The following IL17RA variants were observed in gnomAD, a reference collection of about 807,000 sequenced individuals.
IL17RA encodes interleukin-17 receptor A.
In IL17RA, 34 loss-of-function variants were observed where a neutral mutation model predicts 50.4. The ratio of observed to expected loss-of-function variants is 0.67; its 90% CI spans 0.51 to 0.90. The LOEUF is 0.90. IL17RA is among the 40% of genes least tolerant of loss of function. The probability of loss-of-function intolerance (pLI) is 0.00; values close to 1 mark genes in which losing one functional copy is unlikely to be tolerated. For synonymous variants in IL17RA, 585 were observed against 510.4 expected, an observed-to-expected ratio of 1.15 and a Z score of -1.97; for missense variants, 1,276 against 1,169.8, an observed-to-expected ratio of 1.09 and a Z score of -1.32.
In IL17RA at chr22:17,094,664, T is replaced by TCTCTCTCTCTCTCTCTCTCTCC. The variant is rs1601338810; in HGVS notation, c.139-2377_139-2376insCCTCTCTCTCTCTCTCTCTCTC. Among the ~76,000 whole-genome samples the TCTCTCTCTCTCTCTCTCTCTCC allele has an allele frequency of 4.7e-4, 18 of 37,934 alleles. 1 individual carries two copies. Among genetic ancestry groups the TCTCTCTCTCTCTCTCTCTCTCC allele is most frequent in the South Asian group, 1.7e-3 (2 of 1,194 alleles). 24.9% of individuals were successfully genotyped at this position (37,934 alleles called of 152,430 possible). A position where few individuals can be genotyped will look rare whatever the true frequency, so the allele number is the denominator to read the frequency against. On this transcript the variant is annotated intron_variant, in intron 1 of 12. Coordinates refer to ENST00000319363, the MANE Select transcript of IL17RA (RefSeq NM_014339.7). ...CATTTAGTCATACACACACTCTCTC[T>TCTCTCTCTCTCTCTCTCTCTCC]CTCTCTCTCTCTCTCTCTCTCTCTC...
In IL17RA at chr22:17,109,645, CGGAAATGGA is replaced by C. The variant is rs749121666; in HGVS notation, c.2431_2439del (p.Met811_Glu813del). ...TCCCCGCAGCCCCCCGAGGGACTCACGGAAATGGAGGAAGAGGAGGAAGAGGAGCAGGAC... is the reference window on the plus strand; with the variant it reads ...TCCCCGCAGCCCCCCGAGGGACTCACGGAAGAGGAGGAAGAGGAGCAGGAC... On this transcript the variant is annotated inframe_deletion, in exon 13 of 13. Coordinates refer to ENST00000319363, the MANE Select transcript of IL17RA (RefSeq NM_014339.7). 12 of 1,607,776 alleles carry C rather than the reference CGGAAATGGA, an allele frequency of 7.5e-6. No homozygotes were observed. In the Admixed American group the frequency reaches 1.5e-4, roughly 20 times the overall value.
chr22:17,103,893 C>T (rs1280754410), intron 8 of IL17RA, among the ~76,000 whole-genome samples: 1 of 101,738 alleles, frequency 9.8e-6, no homozygotes, highest in African/African-American at 4.1e-5. Flanking sequence ...GAGTGGGGAG[C>T]GTGCACAGGT....
At position 17,112,975 on chromosome 22, in the gene IL17RA, C is replaced by T. The variant is rs1601353474; in HGVS notation, c.*3155C>T. 6.9e-6 allele frequency: 1 copy of T among 144,162 alleles called. No individual in the cohort carries two copies. Among genetic ancestry groups the T allele is most frequent in the East Asian group, 2.1e-4 (1 of 4,850 alleles). 8.9% of individuals were successfully genotyped at this position (144,162 alleles called of 1,614,324 possible). On this transcript the variant is annotated 3_prime_UTR_variant, in exon 13 of 13. Coordinates refer to ENST00000319363, the MANE Select transcript of IL17RA (RefSeq NM_014339.7). The stretch of plus-strand genomic sequence containing the variant: ...GAGTTTCATGACTTTTTCCTGCCTA[C>T]TATCTTGATCCTAGTTTTTTTTTTG...
intron 5 of IL17RA, among the ~76,000 whole-genome samples, chr22:17,101,618 C>G (rs1175294681): frequency 6.6e-6 from 1 of 152,206 alleles, no homozygotes; most frequent in African/African-American, 2.4e-5. Flanking sequence ...CTAAAGTTGA[C>G]TGACTCAGTC....
chr22:17,103,194 C>T (rs368244996), intron 7 of IL17RA, among the ~76,000 whole-genome samples: 3 of 152,148 alleles, frequency 2.0e-5, no homozygotes, highest in Non-Finnish European at 2.9e-5. Flanking sequence ...GTGCAGGAAA[C>T]GTGTGCTGTG....
chr22:17,108,551 C>T lies in IL17RA; in HGVS notation c.1332C>T (p.Ile444=), dbSNP rs1462547837. Residue 444 remains isoleucine (I), a synonymous_variant, in exon 13 of 13, where the codon ATC becomes ATT. Transcript: ENST00000319363. ...TGGTGGAGAGCAACTCTAAGATCATCGTCCTGTGCTCCCGCGGCACGCGCG... is the reference window on the plus strand; with the variant it reads ...TGGTGGAGAGCAACTCTAAGATCATTGTCCTGTGCTCCCGCGGCACGCGCG... ...QEMVESNSKI[I]VLCSRGTRAK... is the part of the protein sequence containing the mutation. 1.2e-6 allele frequency: 2 copies of T among 1,609,090 alleles called. No individual in the cohort carries two copies. Among genetic ancestry groups the T allele is most frequent in the Non-Finnish European group, 1.7e-6 (2 of 1,180,010 alleles).
At position 17,110,037 on chromosome 22, in the gene IL17RA, C is replaced by T. The variant is rs2061434327; in HGVS notation, c.*217C>T. ...TATCCCCAGGGGAATCCACACAGCC[C>T]GCTCCCAGGAGCTAATGGTAGAGCG... On this transcript the variant is annotated 3_prime_UTR_variant, in exon 13 of 13. Coordinates refer to ENST00000319363, the MANE Select transcript of IL17RA (RefSeq NM_014339.7). 4 of 590,844 alleles carry T rather than the reference C, an allele frequency of 6.8e-6. No homozygotes were observed. Among genetic ancestry groups the T allele is most frequent in the African/African-American group, 1.9e-5 (1 of 53,668 alleles). The allele number at this position is 590,844 out of a possible 1,614,324, so 36.6% of individuals were successfully genotyped here. A position where few individuals can be genotyped will look rare whatever the true frequency, so the allele number is the denominator to read the frequency against.
At chr22:17,095,197 A>G (rs2061364485) in intron 1 of IL17RA, among the ~76,000 whole-genome samples, 1 of 152,208 alleles carries the variant, frequency 6.6e-6, no homozygotes. Context: ...TGCATTAACA[A>G]ACTTTGTTTG....
In IL17RA at chr22:17,098,757, C is replaced by T; in HGVS notation, c.311-18C>T. On this transcript the variant is annotated intron_variant, in intron 3 of 12. Coordinates refer to ENST00000319363, the MANE Select transcript of IL17RA (RefSeq NM_014339.7). ...GCTGATCTGCATCTGTTTGTCTTCT[C>T]TTCTCCCTCTCCTGCAGCCAGCATC... The T allele has an allele frequency of 1.2e-6, 2 of 1,604,570 alleles. No individual in the cohort carries two copies. Among genetic ancestry groups the T allele is most frequent in the South Asian group, 2.2e-5 (2 of 90,852 alleles).
chr22:17,115,679 C>CCAAA lies in IL17RA; in HGVS notation c.*5864_*5867dup, dbSNP rs1327826453. 6.6e-6 allele frequency: 1 copy of CCAAA among 152,170 alleles called. No individual in the cohort carries two copies. Among genetic ancestry groups the CCAAA allele is most frequent in the Non-Finnish European group, 1.5e-5 (1 of 68,040 alleles). The allele number at this position is 152,170 out of a possible 1,614,324, so 9.4% of individuals were successfully genotyped here. On this transcript the variant is annotated 3_prime_UTR_variant, in exon 13 of 13. Coordinates refer to ENST00000319363, the MANE Select transcript of IL17RA (RefSeq NM_014339.7). ...TACTACCCTTCATGTTAAAATAAAA[C>CCAAA]CAAACAAAAACCCATGGCCTTGTTC...
intron 9 of IL17RA, 27 bp downstream of exon 9, chr22:17,104,837 C>T: frequency 1.2e-6 from 2 of 1,608,918 alleles, no homozygotes; most frequent in Non-Finnish European, 8.5e-7. Flanking sequence ...TGTCCTAGGC[C>T]ATACTGGGAG....
In IL17RA at chr22:17,109,487, C is replaced by A. The variant is rs113571926; in HGVS notation, c.2268C>A (p.Phe756Leu). 1.2e-5 allele frequency: 19 copies of A among 1,610,024 alleles called. No individual in the cohort carries two copies. In the African/African-American group the frequency reaches 1.9e-4, roughly 16 times the overall value. Residue 756 changes from phenylalanine to leucine, a missense_variant, in exon 13 of 13, where the codon TTC becomes TTA. Physicochemically the swap from Phe to Leu is conservative, Grantham distance 22 (BLOSUM62 0). Transcript: ENST00000319363. ...TCGAAGGCTTGATGCTCTCGCTCTT[C>A]GAGCAGAGTCTGAGCTGCCAGGCCC... is the stretch of plus-strand genomic sequence containing the variant. ...EHLEGLMLSLFEQSLSCQAQG... is the reference protein window; with the variant it reads ...EHLEGLMLSLLEQSLSCQAQG...
rs2123819509 is a variant in IL17RA at position 17,114,834 on chromosome 22, C to T, written c.*5014C>T. On this transcript the variant is annotated 3_prime_UTR_variant, in exon 13 of 13. Coordinates refer to ENST00000319363, the MANE Select transcript of IL17RA (RefSeq NM_014339.7). ...TGGGAGGAAGAAGGGCCTTGGTGCA[C>T]ACTGGCTTTTCTTCCTGACTGCAAT... is the stretch of plus-strand genomic sequence containing the variant. 6.6e-6 allele frequency: 1 copy of T among 152,382 alleles called. No homozygotes were observed. The highest frequency in any genetic ancestry group is 2.1e-4 in the South Asian group (1 of 4,828). 9.4% of individuals were successfully genotyped at this position (152,382 alleles called of 1,614,324 possible).
In IL17RA at chr22:17,109,293, G is replaced by A. The variant is rs1336307065; in HGVS notation, c.2074G>A (p.Val692Ile). Residue 692 changes from valine to isoleucine, a missense_variant, in exon 13 of 13, where the codon GTC becomes ATC. Physicochemically the swap from Val to Ile is conservative, Grantham distance 29. Coordinates refer to ENST00000319363, the MANE Select transcript of IL17RA (RefSeq NM_014339.7). ...EPGPLADGAA[V>I]RLALAGEGEA... ...TGGGCCCCTGGCTGACGGTGCCGCAGTCCGGCTGGCACTGGCGGGGGAGGG... is the reference window on the plus strand; with the variant it reads ...TGGGCCCCTGGCTGACGGTGCCGCAATCCGGCTGGCACTGGCGGGGGAGGG... 3 of 1,532,448 alleles carry A rather than the reference G, an allele frequency of 2.0e-6. No homozygotes were observed. Among genetic ancestry groups the A allele is most frequent in the Admixed American group, 1.9e-5 (1 of 51,314 alleles). 94.9% of individuals were successfully genotyped at this position (1,532,448 alleles called of 1,614,324 possible). A position where few individuals can be genotyped will look rare whatever the true frequency, so the allele number is the denominator to read the frequency against.
chr22:17,093,173 T>C (rs1279130686), intron 1 of IL17RA, among the ~76,000 whole-genome samples: 1 of 152,214 alleles, frequency 6.6e-6, no homozygotes, highest in Non-Finnish European at 1.5e-5. Context: ...CTGAGAATAT[T>C]TTAAGAATGA....
chr22:17,107,833 G>A (rs2061420491), intron 12 of IL17RA, 65 bp downstream of exon 12: 1 of 1,456,002 alleles, frequency 6.9e-7, no homozygotes, highest in Non-Finnish European at 9.7e-7. Flanking sequence ...CCTGGGATAA[G>A]TGCGTGGGTC....
chr22:17,105,940 C>G lies in IL17RA; in HGVS notation c.1031C>G (p.Thr344Ser), dbSNP rs755640796. The G allele has an allele frequency of 7.4e-6, 12 of 1,614,096 alleles. No individual in the cohort carries two copies. Among genetic ancestry groups the G allele is most frequent in the Admixed American group, 1.7e-5 (1 of 59,996 alleles). Residue 344 changes from threonine (T) to serine (S), a missense_variant, in exon 11 of 13, where the codon ACC becomes AGC. By Grantham distance (58) the Thr-to-Ser change is moderately conservative (BLOSUM62 1). Transcript: ENST00000319363. ...GSVILLIVCM[T>S]WRLAGPGSEK... ...GTCATCCTGCTCATCGTCTGCATGA[C>G]CTGGAGGCTAGCTGGTAAGCGCTGG...
rs181468995 is a variant in IL17RA at position 17,109,257 on chromosome 22, G to C, written c.2038G>C (p.Ala680Pro). The C allele has an allele frequency of 2.0e-6, 3 of 1,496,100 alleles. No homozygotes were observed. Among genetic ancestry groups the C allele is most frequent in the African/African-American group, 2.8e-5 (2 of 71,948 alleles). The allele number at this position is 1,496,100 out of a possible 1,614,324, so 92.7% of individuals were successfully genotyped here. Reference protein sequence around the residue: ...LAAEEGALVAAVEPGPLADGA... With the variant: ...LAAEEGALVAPVEPGPLADGA... ...CGCAGAGGAGGGGGCCCTGGTGGCC[G>C]CGGTGGAGCCTGGGCCCCTGGCTGA... The change falls in exon 13 of 13, where the codon GCG (alanine) becomes CCG (proline). Residue 680 changes from alanine (A) to proline (P), a missense_variant. Ala to Pro is a conservative substitution (Grantham distance 27). Transcript: ENST00000319363.
Position 17,094,654 on chromosome 22 carries a change from A to ACTCTCTCTCTCTCTCT in IL17RA, c.139-2407_139-2406insTCTCTCTCTCTCTCTC, listed in dbSNP as rs774982179. Among the ~76,000 whole-genome samples the ACTCTCTCTCTCTCTCT allele has an allele frequency of 1.9e-3, 40 of 21,602 alleles. 1 individual carries two copies. Among genetic ancestry groups the ACTCTCTCTCTCTCTCT allele is most frequent in the South Asian group, 2.4e-3 (2 of 818 alleles). 14.2% of individuals were successfully genotyped at this position (21,602 alleles called of 152,430 possible). A position where few individuals can be genotyped will look rare whatever the true frequency, so the allele number is the denominator to read the frequency against. Reference sequence around the variant, plus strand: ...TTTCTATTCTCATTTAGTCATACACACACTCTCTCTCTCTCTCTCTCTCTC... The same window carrying ACTCTCTCTCTCTCTCT: ...TTTCTATTCTCATTTAGTCATACACACTCTCTCTCTCTCTCTCACTCTCTCTCTCTCTCTCTCTCTC... On this transcript the variant is annotated intron_variant, in intron 1 of 12. Coordinates refer to ENST00000319363, the MANE Select transcript of IL17RA (RefSeq NM_014339.7).
Sources: allele counts gnomAD v4.1 joint callset (sites outside exome capture counted in the v4.1 genomes callset), GRCh38; gene constraint gnomAD v4.1.1; transcripts MANE v1.5; gene names NCBI Gene and HGNC (gene_info 2026-07-23, HGNC 2026-07-21).